Variants in IRF2BP2 observed in about 807,000 individuals in gnomAD.
The protein encoded by IRF2BP2 is interferon regulatory factor 2 binding protein 2, also known as interferon regulatory factor 2-binding protein 2.
In IRF2BP2, 13 loss-of-function variants were observed where a neutral mutation model predicts 32.7. That is an observed-to-expected ratio of 0.40 (90% CI 0.26 to 0.63). IRF2BP2 has a LOEUF of 0.63. Among genes scored for constraint, IRF2BP2 ranks in the 30% least tolerant of loss-of-function variants. The pLI is 0.42. For synonymous variants in IRF2BP2, 555 were observed against 384.6 expected (o/e 1.44, Z -5.18); for missense variants, 980 against 830.6 (o/e 1.18, Z -2.21).
Position 234,605,560 on chromosome 1 carries a change from T to C in IRF2BP2, c.*1577A>G, listed in dbSNP as rs1466453456. The C allele has an allele frequency of 6.6e-6, 1 of 152,120 alleles. No individual in the cohort carries two copies. Among genetic ancestry groups the C allele is most frequent in the Non-Finnish European group, 1.5e-5 (1 of 68,006 alleles). The allele number at this position is 152,120 out of a possible 1,614,324, so 9.4% of individuals were successfully genotyped here. A position where few individuals can be genotyped will look rare whatever the true frequency, so the allele number is the denominator to read the frequency against. ...CATATAACTAAAAAAGAATCCAAAG[T>C]TGGTAAAAATCTGTATTTTCAAATG... On this transcript the variant is annotated 3_prime_UTR_variant, in exon 2 of 2. Coordinates refer to ENST00000366609, the MANE Select transcript of IRF2BP2 (RefSeq NM_182972.3).
In IRF2BP2 at chr1:234,609,590, C is replaced by G. The variant is rs914877365; in HGVS notation, c.-96G>C. Reference sequence around the variant, plus strand: ...GGCACCACGCGCGCCCTCCTCCCCCCCCAACCCCGCGTCTCCCCCACCAGC... The same window carrying G: ...GGCACCACGCGCGCCCTCCTCCCCCGCCAACCCCGCGTCTCCCCCACCAGC... On this transcript the variant is annotated 5_prime_UTR_variant, in exon 1 of 2. Coordinates refer to ENST00000366609, the MANE Select transcript of IRF2BP2 (RefSeq NM_182972.3). The G allele has an allele frequency of 6.4e-5, 40 of 627,846 alleles. No homozygotes were observed. The East Asian group carries it at 1.1e-3, about 17-fold the overall frequency. 38.9% of individuals were successfully genotyped at this position (627,846 alleles called of 1,614,324 possible). A position where few individuals can be genotyped will look rare whatever the true frequency, so the allele number is the denominator to read the frequency against.
Position 234,607,387 on chromosome 1 carries a change from C to T in IRF2BP2, c.1514G>A (p.Cys505Tyr). 6.2e-7 allele frequency: 1 copy of T among 1,613,960 alleles called. No homozygotes were observed. The highest frequency in any genetic ancestry group is 2.2e-5 in the East Asian group (1 of 44,892). The part of the protein sequence containing the change: ...DSSLATSAPL[C>Y]CTLCHERLED... Reference sequence around the variant, plus strand: ...CAGCCGCTCGTGGCAGAGGGTGCAGCACAGCGGGGCACTGGTTGCCAGAGA... The same window carrying T: ...CAGCCGCTCGTGGCAGAGGGTGCAGTACAGCGGGGCACTGGTTGCCAGAGA... The change falls in exon 2 of 2, where the codon TGC (cysteine) becomes TAC (tyrosine). Residue 505 changes from cysteine to tyrosine, a missense_variant. Transcript: ENST00000366609.
intron 1 of IRF2BP2, 107 bp downstream of exon 1, chr1:234,608,340 T>G (rs1672224077): frequency 1.1e-6 from 1 of 935,256 alleles, no homozygotes; most frequent in South Asian, 1.9e-5. Flanking sequence ...AGTGGGGTGT[T>G]TGTTGTTTCT....
In IRF2BP2 at chr1:234,607,759, G is replaced by C. The variant is rs1672205059; in HGVS notation, c.1142C>G (p.Ser381Cys). ...GATCTTGAGCCCCTCTGTGGATGTG[G>C]ACAGCCACGGCTGGGCCTCTCCGTT... is the stretch of plus-strand genomic sequence containing the variant. ...KINGEAQPWL[S>C]TSTEGLKIPM... Residue 381 changes from serine to cysteine, a missense_variant, in exon 2 of 2, where the codon TCC becomes TGC. Physicochemically the swap from Ser to Cys is moderately radical, Grantham distance 112. Coordinates refer to ENST00000366609, the MANE Select transcript of IRF2BP2 (RefSeq NM_182972.3). 1 of 1,613,948 alleles carries C rather than the reference G, an allele frequency of 6.2e-7. No homozygotes were observed. The highest frequency in any genetic ancestry group is 1.3e-5 in the African/African-American group (1 of 74,932).
rs1295624152 is a variant in IRF2BP2 at position 234,608,629 on chromosome 1, T to C, written c.866A>G (p.Lys289Arg). 1.3e-6 allele frequency: 2 copies of C among 1,562,994 alleles called. No individual in the cohort carries two copies. Among genetic ancestry groups the C allele is most frequent in the South Asian group, 1.2e-5 (1 of 85,470 alleles). ...AAELSAEGAG[K>R]SRGSGEQDWV... is the part of the protein sequence containing the mutation. ...GTCCTGCTCTCCAGACCCGCGGCTC[T>C]TGCCCGCACCTTCCGCGCTCAGCTC... Residue 289 changes from lysine to arginine, a missense_variant, in exon 1 of 2, where the codon AAG becomes AGG. Transcript: ENST00000366609.
In IRF2BP2 at chr1:234,609,857, G is replaced by T. The variant is rs1672298730; in HGVS notation, c.-363C>A. Among the ~76,000 whole-genome samples, 1 of 140,566 alleles carries T rather than the reference G, an allele frequency of 7.1e-6. No homozygotes were observed. The highest frequency in any genetic ancestry group is 2.1e-4 in the East Asian group (1 of 4,706). 92.2% of individuals were successfully genotyped at this position (140,566 alleles called of 152,430 possible). On this transcript the variant is annotated 5_prime_UTR_variant, in exon 1 of 2. Coordinates refer to ENST00000366609, the MANE Select transcript of IRF2BP2 (RefSeq NM_182972.3). ...CTCCAGACCGGGGCGAAGACGGGCCGCGCGGGCGCGGGGGAGCGCAGCAGG... is the reference window on the plus strand; with the variant it reads ...CTCCAGACCGGGGCGAAGACGGGCCTCGCGGGCGCGGGGGAGCGCAGCAGG...
Position 234,609,146 on chromosome 1 carries a change from A to C in IRF2BP2, c.349T>G (p.Tyr117Asp). ...CTCTCGGCCGCGGCCGCCAACGGGT[A>C]GCGCTCCAAGGCCTGCGGCGCGCGC... ...APRAPQALER[Y>D]PLAAAAERPP... Residue 117 changes from tyrosine to aspartate, a missense_variant, in exon 1 of 2, where the codon TAC becomes GAC. By Grantham distance (160) the Tyr-to-Asp change is radical. Transcript: ENST00000366609. The C allele has an allele frequency of 8.1e-7, 1 of 1,241,592 alleles. No homozygotes were observed. The highest frequency in any genetic ancestry group is 1.0e-6 in the Non-Finnish European group (1 of 995,172). The allele number at this position is 1,241,592 out of a possible 1,614,324, so 76.9% of individuals were successfully genotyped here.
Position 234,607,024 on chromosome 1 carries a change from T to C in IRF2BP2, c.*113A>G, listed in dbSNP as rs1672181596. 2.5e-6 allele frequency: 2 copies of C among 812,936 alleles called. No homozygotes were observed. The highest frequency in any genetic ancestry group is 3.9e-6 in the Non-Finnish European group (2 of 512,644). 50.4% of individuals were successfully genotyped at this position (812,936 alleles called of 1,614,324 possible). On this transcript the variant is annotated 3_prime_UTR_variant, in exon 2 of 2. Coordinates refer to ENST00000366609, the MANE Select transcript of IRF2BP2 (RefSeq NM_182972.3). ...AAAAAATCAAAATTATACAGCCATG[T>C]TTATGAAGTCTACATTTCCCTTGTC...
At position 234,606,914 on chromosome 1, in the gene IRF2BP2, T is replaced by C. The variant is rs1672175690; in HGVS notation, c.*223A>G. 4.6e-6 allele frequency: 2 copies of C among 434,858 alleles called. No homozygotes were observed. Among genetic ancestry groups the C allele is most frequent in the South Asian group, 7.4e-5 (2 of 26,996 alleles). The allele number at this position is 434,858 out of a possible 1,614,324, so 26.9% of individuals were successfully genotyped here. ...AGGATAATAAAGCACAAAGATATGC[T>C]AATAACGTTAACAAAAGAAAAAAAT... On this transcript the variant is annotated 3_prime_UTR_variant, in exon 2 of 2. Coordinates refer to ENST00000366609, the MANE Select transcript of IRF2BP2 (RefSeq NM_182972.3).
chr1:234,607,522 G>A lies in IRF2BP2; in HGVS notation c.1379C>T (p.Ser460Phe). Reference sequence around the variant, plus strand: ...CCTTCTTTGGTTCATAGAGGACGGAGAGGGCGGACTGTTGCTATTCCTCCT... The same window carrying A: ...CCTTCTTTGGTTCATAGAGGACGGAAAGGGCGGACTGTTGCTATTCCTCCT... Reference protein sequence around the residue: ...TTRRNSNSPPSPSSMNQRRLG... With the variant: ...TTRRNSNSPPFPSSMNQRRLG... The change falls in exon 2 of 2, where the codon TCT becomes TTT. Residue 460 changes from serine (S) to phenylalanine (F), a missense_variant. Ser to Phe is a radical substitution (Grantham distance 155). Coordinates refer to ENST00000366609, the MANE Select transcript of IRF2BP2 (RefSeq NM_182972.3). 1 of 1,614,158 alleles carries A rather than the reference G, an allele frequency of 6.2e-7. No homozygotes were observed. Among genetic ancestry groups the A allele is most frequent in the Non-Finnish European group, 8.5e-7 (1 of 1,179,984 alleles).
At position 234,609,346 on chromosome 1, in the gene IRF2BP2, T is replaced by C; in HGVS notation, c.149A>G (p.Glu50Gly). The C allele has an allele frequency of 6.5e-7, 1 of 1,536,204 alleles. No individual in the cohort carries two copies. ...CVNYEGADRV[E>G]FVIETARQLK... is the part of the protein sequence containing the mutation. The stretch of plus-strand genomic sequence containing the variant: ...CTGCCGCGCCGTCTCGATGACGAAC[T>C]CGACGCGGTCGGCGCCCTCGTAGTT... The change falls in exon 1 of 2, where the codon GAG becomes GGG. Residue 50 changes from glutamate to glycine, a missense_variant. Physicochemically the swap from Glu to Gly is moderately conservative, Grantham distance 98 (BLOSUM62 -2). Coordinates refer to ENST00000366609, the MANE Select transcript of IRF2BP2 (RefSeq NM_182972.3).
rs1040129561 is a variant in IRF2BP2, at chr1:234,609,700, G to C, written c.-206C>G. ...CGCGCAGCGCCCCCGGTGCACGAGG[G>C]GCGGCGGGCGCGAGGTGAGGGGCTG... On this transcript the variant is annotated 5_prime_UTR_variant, in exon 1 of 2. Transcript: ENST00000366609. 6.9e-6 allele frequency among the ~76,000 whole-genome samples: 1 copy of C among 144,640 alleles called. No individual in the cohort carries two copies. The highest frequency in any genetic ancestry group is 2.5e-5 in the African/African-American group (1 of 40,356). The allele number at this position is 144,640 out of a possible 152,430, so 94.9% of individuals were successfully genotyped here.
At position 234,609,927 on chromosome 1, in the gene IRF2BP2, G is replaced by GC. The variant is rs1257588179; in HGVS notation, c.-434dup. Among the ~76,000 whole-genome samples the GC allele has an allele frequency of 7.3e-6, 1 of 136,088 alleles. No individual in the cohort carries two copies. The highest frequency in any genetic ancestry group is 1.6e-5 in the Non-Finnish European group (1 of 61,674). The allele number at this position is 136,088 out of a possible 152,430, so 89.3% of individuals were successfully genotyped here. ...GGAGTGCGGGGCGGGGGGCGGGGAGGCCGGGGGGGCAGGGGGCGGGGGGCG... is the reference window on the plus strand; with the variant it reads ...GGAGTGCGGGGCGGGGGGCGGGGAGGCCCGGGGGGGCAGGGGGCGGGGGGCG... On this transcript the variant is annotated 5_prime_UTR_variant, in exon 1 of 2. Coordinates refer to ENST00000366609, the MANE Select transcript of IRF2BP2 (RefSeq NM_182972.3).
Position 234,609,638 on chromosome 1 carries a change from G to A in IRF2BP2, c.-144C>T. ...AGCGGCGGCGGCGGCCGCAAAGGCG[G>A]CGGCGGCGGCGGCAAAGCCCGCGAA... On this transcript the variant is annotated 5_prime_UTR_variant, in exon 1 of 2. Transcript: ENST00000366609. 3.4e-6 allele frequency: 1 copy of A among 297,668 alleles called. No individual in the cohort carries two copies. Among genetic ancestry groups the A allele is most frequent in the South Asian group, 1.4e-4 (1 of 7,398 alleles). The allele number at this position is 297,668 out of a possible 1,614,324, so 18.4% of individuals were successfully genotyped here.
In IRF2BP2 at chr1:234,608,474, C is replaced by A; in HGVS notation, c.1021G>T (p.Ala341Ser). ...LTAGRLLGFE[A>S]NGANGSKAVA... ...GCTTTAGACCCGTTGGCCCCGTTGG[C>A]CTCGAAACCCAACAACCTGCCTGCA... The change falls in exon 1 of 2, where the codon GCC (alanine) becomes TCC (serine). Residue 341 changes from alanine to serine, a missense_variant. Transcript: ENST00000366609. 1 of 1,596,158 alleles carries A rather than the reference C, an allele frequency of 6.3e-7. No individual in the cohort carries two copies. The highest frequency in any genetic ancestry group is 1.1e-5 in the South Asian group (1 of 88,590).
Position 234,607,419 on chromosome 1 carries a change from C to T in IRF2BP2, c.1482G>A (p.Pro494=). Residue 494 remains proline, a synonymous_variant, in exon 2 of 2, where the codon CCG becomes CCA. Transcript: ENST00000366609. ...GGGCACTGGTTGCCAGAGAGGAGTC[C>T]GGGAGGCTGGCAGGGTGCACTGGCT... is the stretch of plus-strand genomic sequence containing the variant. ...GLEPVHPASL[P]DSSLATSAPL... 1 of 1,613,944 alleles carries T rather than the reference C, an allele frequency of 6.2e-7. No homozygotes were observed. Among genetic ancestry groups the T allele is most frequent in the Non-Finnish European group, 8.5e-7 (1 of 1,179,832 alleles).
chr1:234,607,293 TTGTC>T lies in IRF2BP2; in HGVS notation c.1604_1607del (p.Arg535LysfsTer44). ...CACTAGCTCCCTGCTGTTTGATGCT[TTGTC>T]TGGAGCAAGGGAAGCAGAACTTGTG... is the stretch of plus-strand genomic sequence containing the variant. On this transcript the variant is annotated frameshift_variant, in exon 2 of 2. Transcript: ENST00000366609. LOFTEE classifies it high-confidence loss of function. 1 of 1,614,212 alleles carries T rather than the reference TTGTC, an allele frequency of 6.2e-7. No homozygotes were observed. The highest frequency in any genetic ancestry group is 8.5e-7 in the Non-Finnish European group (1 of 1,180,018).
In IRF2BP2 at chr1:234,605,869, G is replaced by A. The variant is rs1323548205; in HGVS notation, c.*1268C>T. 2.0e-5 allele frequency: 3 copies of A among 152,028 alleles called. No homozygotes were observed. The highest frequency in any genetic ancestry group is 4.4e-5 in the Non-Finnish European group (3 of 67,944). The allele number at this position is 152,028 out of a possible 1,614,324, so 9.4% of individuals were successfully genotyped here. A position where few individuals can be genotyped will look rare whatever the true frequency, so the allele number is the denominator to read the frequency against. On this transcript the variant is annotated 3_prime_UTR_variant, in exon 2 of 2. Transcript: ENST00000366609. ...AAAGACTTCTAAAAATATTTTGAGAGGTGGGGCCTGTCTATTATATAAAAC... is the reference window on the plus strand; with the variant it reads ...AAAGACTTCTAAAAATATTTTGAGAAGTGGGGCCTGTCTATTATATAAAAC...
Position 234,608,977 on chromosome 1 carries a change from C to G in IRF2BP2, c.518G>C (p.Arg173Pro). The change falls in exon 1 of 2, where the codon CGC becomes CCC. Residue 173 changes from arginine to proline, a missense_variant. Physicochemically the swap from Arg to Pro is moderately radical, Grantham distance 103. Coordinates refer to ENST00000366609, the MANE Select transcript of IRF2BP2 (RefSeq NM_182972.3). ...SKLEEPPELN[R>P]QSPNPRRGHA... is the part of the protein sequence containing the mutation. Reference sequence around the variant, plus strand: ...GCCGCGCCGCGGGTTCGGGCTCTGGCGATTCAGCTCGGGCGGCTCCTCTAG... The same window carrying G: ...GCCGCGCCGCGGGTTCGGGCTCTGGGGATTCAGCTCGGGCGGCTCCTCTAG... The G allele has an allele frequency of 7.4e-7, 1 of 1,357,970 alleles. No individual in the cohort carries two copies. 84.1% of individuals were successfully genotyped at this position (1,357,970 alleles called of 1,614,324 possible).
Sources: allele counts gnomAD v4.1 joint callset (sites outside exome capture counted in the v4.1 genomes callset), GRCh38; gene constraint gnomAD v4.1.1; transcripts MANE v1.5; gene names NCBI Gene and HGNC (gene_info 2026-07-23, HGNC 2026-07-21).